Variants in RALYL observed in about 807,000 individuals in gnomAD.
RALYL encodes the protein RALY RNA binding protein like.
A neutral mutation model predicts 35.1 loss-of-function variants in RALYL; 29 were observed. That is an observed-to-expected ratio of 0.83 (90% CI 0.61 to 1.13). The LOEUF (loss-of-function observed/expected upper bound fraction) is 1.13. RALYL is among the 50% of genes most tolerant of loss of function. The probability of loss-of-function intolerance (pLI) is 0.00; values close to 1 mark genes in which losing one functional copy is unlikely to be tolerated. For synonymous variants in RALYL, 120 were observed against 127.6 expected (o/e 0.94, Z 0.40); for missense variants, 359 against 360.4 (o/e 1.00, Z 0.03).
In RALYL at chr8:84,920,982, G is replaced by A; in HGVS notation, c.*71G>A. 1 of 848,958 alleles carries A rather than the reference G, an allele frequency of 1.2e-6. No individual in the cohort carries two copies. Among genetic ancestry groups the A allele is most frequent in the Non-Finnish European group, 1.8e-6 (1 of 568,876 alleles). The allele number at this position is 848,958 out of a possible 1,614,324, so 52.6% of individuals were successfully genotyped here. ...ACAACCCCCAGAAATGTGAAAGGAG[G>A]TTTCTTACTGGACAGCAGCATCTTT... is the stretch of plus-strand genomic sequence containing the variant. On this transcript the variant is annotated 3_prime_UTR_variant, in exon 9 of 9. Coordinates refer to ENST00000521268, the MANE Select transcript of RALYL (RefSeq NM_173848.7).
intron 2 of RALYL, among the ~76,000 whole-genome samples, chr8:84,730,201 T>G (rs1283052169): frequency 6.6e-6 from 1 of 151,898 alleles, no homozygotes; most frequent in Non-Finnish European, 1.5e-5. Context: ...CAAGTGGGCT[T>G]CATCCCTGGG....
intron 1 of RALYL, among the ~76,000 whole-genome samples, chr8:84,277,902 C>T (rs1835735108): frequency 6.6e-6 from 1 of 152,202 alleles, no homozygotes; most frequent in Admixed American, 6.5e-5. Flanking sequence ...CATGGGCTGG[C>T]ATTGAGTGTC....
At chr8:84,900,405 G>T (rs7830481) in intron 8 of RALYL, among the ~76,000 whole-genome samples, 1 of 151,888 alleles carries the variant, frequency 6.6e-6, no homozygotes, top group Non-Finnish European at 1.5e-5. Context: ...GGCTGGGTGC[G>T]GTGGCTCACG....
chr8:84,543,613 T>G (rs542642550), intron 2 of RALYL, among the ~76,000 whole-genome samples: 2 of 152,224 alleles, frequency 1.3e-5, no homozygotes, highest in East Asian at 3.9e-4. Context: ...ACATAGTAGA[T>G]ATATTTCAGT....
intron 1 of RALYL, among the ~76,000 whole-genome samples, chr8:84,274,275 T>A (rs1834909946): frequency 6.6e-6 from 1 of 152,180 alleles, no homozygotes; most frequent in African/African-American, 2.4e-5. Flanking sequence ...TCCCTTAATA[T>A]GTTTCTAATG....
intron 2 of RALYL, among the ~76,000 whole-genome samples, chr8:84,571,723 TTCTC>T (rs1808039149): frequency 6.6e-6 from 1 of 151,866 alleles, no homozygotes; most frequent in African/African-American, 2.4e-5. Flanking sequence ...TTTGAGATCT[TTCTC>T]TTTTTTATGT....
intron 2 of RALYL, among the ~76,000 whole-genome samples, chr8:84,631,988 C>T (rs1276555002): frequency 6.6e-6 from 1 of 151,862 alleles, no homozygotes; most frequent in Non-Finnish European, 1.5e-5. Context: ...ACCCCACCCC[C>T]CTGCCAAATT....
At chr8:84,681,057 C>G (rs985222155) in intron 2 of RALYL, among the ~76,000 whole-genome samples, 10 of 152,042 alleles carry the variant, frequency 6.6e-5, no homozygotes, top group Non-Finnish European at 1.2e-4. Context: ...CCAGTTTCAG[C>G]TTTCTACATA....
chr8:84,503,350 G>A (rs1003210470), intron 1 of RALYL, among the ~76,000 whole-genome samples: 1 of 149,770 alleles, frequency 6.7e-6, no homozygotes, highest in African/African-American at 2.5e-5. Context: ...AACAGACAGG[G>A]TATCACTATG....
At chr8:84,343,953 A>G (rs1325473215) in intron 1 of RALYL, among the ~76,000 whole-genome samples, 2 of 151,896 alleles carry the variant, frequency 1.3e-5, no homozygotes, top group Admixed American at 6.6e-5. Context: ...AGATAACTGG[A>G]TATGACCTGC....
At chr8:84,475,356 A>G (rs914031020) in intron 1 of RALYL, among the ~76,000 whole-genome samples, 10 of 152,182 alleles carry the variant, frequency 6.6e-5, no homozygotes, top group Non-Finnish European at 1.5e-4. Flanking sequence ...TGTAACTGGG[A>G]CTATAGGTGC....
intron 4 of RALYL, among the ~76,000 whole-genome samples, chr8:84,816,806 A>G (rs1183085849): frequency 6.6e-6 from 1 of 152,186 alleles, no homozygotes; most frequent in Non-Finnish European, 1.5e-5. Context: ...TGCTTGGGAG[A>G]ATGGATACCG....
In RALYL at chr8:84,615,243, A is replaced by C. The variant is rs199706067; in HGVS notation, c.256+85666A>C. On this transcript the variant is annotated intron_variant, in intron 2 of 8. Transcript: ENST00000521268. Reference sequence around the variant, plus strand: ...GTTTACCTAATTTAGCTAGTCCCAGAGGACTGTTAGAGATTCTTTCTCTCC... The same window carrying C: ...GTTTACCTAATTTAGCTAGTCCCAGCGGACTGTTAGAGATTCTTTCTCTCC... 1.6e-4 allele frequency among the ~76,000 whole-genome samples: 25 copies of C among 151,676 alleles called. No homozygotes were observed. The East Asian group carries it at 4.7e-3, about 28-fold the overall frequency.
At chr8:84,413,509 A>G (rs2044308500) in intron 1 of RALYL, among the ~76,000 whole-genome samples, 1 of 152,004 alleles carries the variant, frequency 6.6e-6, no homozygotes, top group Non-Finnish European at 1.5e-5. Context: ...TGTGTAACTT[A>G]TTTGGACATG....
chr8:84,636,943 T>C (rs980595971), intron 2 of RALYL, among the ~76,000 whole-genome samples: 13 of 151,934 alleles, frequency 8.6e-5, no homozygotes, highest in African/African-American at 3.1e-4. Context: ...GCTGTTTATG[T>C]TGATGTTCTA....
intron 2 of RALYL, among the ~76,000 whole-genome samples, chr8:84,616,887 AG>A (rs1819849987): frequency 6.6e-6 from 1 of 151,256 alleles, no homozygotes; most frequent in Non-Finnish European, 1.5e-5. Context: ...GGTTTGTCAA[AG>A]ATCAGATAGT....
intron 2 of RALYL, among the ~76,000 whole-genome samples, chr8:84,715,016 G>T (rs761842032): frequency 2.0e-5 from 3 of 151,860 alleles, no homozygotes; most frequent in African/African-American, 4.8e-5. Context: ...TTAACTAGAT[G>T]ACTTTATTTT....
At chr8:84,807,820 A>G (rs554536554) in intron 4 of RALYL, among the ~76,000 whole-genome samples, 1 of 152,154 alleles carries the variant, frequency 6.6e-6, no homozygotes, top group Non-Finnish European at 1.5e-5. Flanking sequence ...TCTTCATTTG[A>G]GTACTATCTA....
chr8:84,597,915 T>C (rs928898863), intron 2 of RALYL, among the ~76,000 whole-genome samples: 2 of 152,114 alleles, frequency 1.3e-5, no homozygotes, highest in Admixed American at 1.3e-4. Context: ...AGTTTGTTGA[T>C]CCCTGCTCTT....
Sources: allele counts gnomAD v4.1 joint callset (sites outside exome capture counted in the v4.1 genomes callset), GRCh38; gene constraint gnomAD v4.1.1; transcripts MANE v1.5; gene names NCBI Gene and HGNC (gene_info 2026-07-23, HGNC 2026-07-21).